The following MUC12 variants were observed in gnomAD, a reference collection of about 807,000 sequenced individuals.
The protein encoded by MUC12 is mucin-12.
In MUC12, 172 loss-of-function variants were observed where a neutral mutation model predicts 230.8. The observed-to-expected ratio is 0.75, with a 90% confidence interval of 0.66 to 0.85. The LOEUF (loss-of-function observed/expected upper bound fraction) is 0.85, where lower values mean the gene tolerates loss of function less well. MUC12 is among the 40% of genes least tolerant of loss of function. The probability of loss-of-function intolerance (pLI) is 0.00; values close to 1 mark genes in which losing one functional copy is unlikely to be tolerated. For synonymous variants in MUC12, 1,259 were observed against 2,401.9 expected (o/e 0.52, Z 13.91); for missense variants, 3,506 against 5,920.6 (o/e 0.59, Z 13.38).
At chr7:101,012,582 G>GT in intron 6 of MUC12, 135 bp downstream of exon 6, 1 of 1,130,400 alleles carries the variant, frequency 8.8e-7, no homozygotes, top group Middle Eastern at 2.1e-4. Flanking sequence ...CAGGCCCAGG[G>GT]TGCCTTCCCC....
intron 10 of MUC12, among the ~76,000 whole-genome samples, chr7:101,016,558 G>T (rs186791584): frequency 1.2e-4 from 19 of 152,230 alleles, no homozygotes; most frequent in African/African-American, 4.1e-4. Flanking sequence ...TAGGTGATCC[G>T]CCCGCCTTGG....
chr7:100,987,270 T>C, intron 1 of MUC12, among the ~76,000 whole-genome samples: 1 of 152,058 alleles, frequency 6.6e-6, no homozygotes, highest in African/African-American at 2.4e-5. Flanking sequence ...TTTCACCATA[T>C]TGGCCAGGCT....
intron 1 of MUC12, among the ~76,000 whole-genome samples, chr7:100,977,077 A>G (rs1793043965): frequency 7.3e-6 from 1 of 137,150 alleles, no homozygotes; most frequent in East Asian, 2.2e-4. Flanking sequence ...AAAAAAAAAA[A>G]AAAAAGAAAT....
rs61742942 is a variant in MUC12, at chr7:100,991,475, T to C, written c.912T>C (p.Thr304=). The C allele has an allele frequency of 2.0e-5, 30 of 1,537,532 alleles. No individual in the cohort carries two copies. In the East Asian group the frequency reaches 2.4e-4, roughly 13 times the overall value. The change falls in exon 2 of 12, where the codon ACT becomes ACC. Residue 304 remains threonine (T), a synonymous_variant. Coordinates refer to ENST00000536621, the MANE Select transcript of MUC12 (RefSeq NM_001164462.2). ...CAGCCTTTGTTAAACTATCTACAAC[T>C]TATCACAGCAGCCCGAGCTCAACTC... ...TTSAFVKLST[T]YHSSPSSTPT... is the part of the protein sequence containing the mutation.
intron 3 of MUC12, 93 bp from the exon 4 acceptor site, chr7:101,008,541 C>T (rs1441064791): frequency 6.9e-7 from 1 of 1,440,126 alleles, no homozygotes; most frequent in Non-Finnish European, 9.1e-7. Flanking sequence ...GTTTCTTTCA[C>T]CTTCAAGACA....
rs1056894241 is a variant in MUC12 at position 101,005,071 on chromosome 7, G to A, written c.14508G>A (p.Val4836=). The part of the protein sequence containing the change: ...HSQPGSALST[V]SPASTTVPGL... ...AACCAGGCTCAGCTCTGTCAACAGT[G>A]TCACCTGCCAGCACCACAGTGCCAG... is the stretch of plus-strand genomic sequence containing the variant. The change falls in exon 2 of 12, where the codon GTG becomes GTA. Residue 4836 remains valine (V), a synonymous_variant. Coordinates refer to ENST00000536621, the MANE Select transcript of MUC12 (RefSeq NM_001164462.2). 37 of 1,537,592 alleles carry A rather than the reference G, an allele frequency of 2.4e-5. No homozygotes were observed. The highest frequency in any genetic ancestry group is 4.1e-5 in the African/African-American group (3 of 72,970).
At position 100,992,402 on chromosome 7, in the gene MUC12, A is replaced by T. The variant is rs1271084129; in HGVS notation, c.1839A>T (p.Arg613Ser). 1 of 1,537,442 alleles carries T rather than the reference A, an allele frequency of 6.5e-7. No homozygotes were observed. The highest frequency in any genetic ancestry group is 8.7e-7 in the Non-Finnish European group (1 of 1,146,686). ...CTATGCCCGTCCACAGCAGCACCAG[A>T]TCGCCACACACAACACTGTCCCCTG... ...EASMPVHSST[R>S]SPHTTLSPAG... is the part of the protein sequence containing the mutation. The change falls in exon 2 of 12, where the codon AGA (arginine) becomes AGT (serine). Residue 613 changes from arginine to serine, a missense_variant. Arg to Ser is a moderately radical substitution (Grantham distance 110). Transcript: ENST00000536621.
Position 101,008,760 on chromosome 7 carries a change from G to A in MUC12, c.15185G>A (p.Arg5062Gln), listed in dbSNP as rs1333605257. ...AACTTCAGTACCCTCTTCAAGAATC[G>A]GGTAAGACCAGGGCACACCCAGACA... ...YQNFSTLFKN[R>Q]MDVVLKGDNL... The change falls in exon 4 of 12, where the codon CGG becomes CAG. Residue 5062 changes from arginine to glutamine, a missense_variant and splice_region_variant. Physicochemically the swap from Arg to Gln is conservative, Grantham distance 43. Transcript: ENST00000536621. 6 of 1,536,842 alleles carry A rather than the reference G, an allele frequency of 3.9e-6. No individual in the cohort carries two copies. Among genetic ancestry groups the A allele is most frequent in the East Asian group, 4.9e-5 (2 of 40,908 alleles).
chr7:100,982,615 G>T (rs1793125989), intron 1 of MUC12, among the ~76,000 whole-genome samples: 1 of 151,880 alleles, frequency 6.6e-6, no homozygotes, highest in African/African-American at 2.4e-5. Context: ...TTTTTGTTGA[G>T]ATGGGGTCTC....
chr7:101,017,732 CGGGA>C lies in MUC12; in HGVS notation c.15966+70_15966+73del, dbSNP rs1562796540. ...CTTCCTCTGGGGTTCCCTCTTCCCC[CGGGA>C]CTCCCTTCTCCCCCTGGGACTCCCT... On this transcript the variant is annotated intron_variant, in intron 11 of 11. Coordinates refer to ENST00000536621, the MANE Select transcript of MUC12 (RefSeq NM_001164462.2). The C allele has an allele frequency of 7.3e-4, 823 of 1,133,636 alleles. 8 individuals are homozygous for C. The South Asian group carries it at 8.5e-3, about 12-fold the overall frequency. 70.2% of individuals were successfully genotyped at this position (1,133,636 alleles called of 1,614,324 possible). A position where few individuals can be genotyped will look rare whatever the true frequency, so the allele number is the denominator to read the frequency against.
chr7:101,007,967 T>C (rs1006169040), intron 3 of MUC12, among the ~76,000 whole-genome samples: 6 of 151,354 alleles, frequency 4.0e-5, no homozygotes, highest in African/African-American at 1.2e-4. Context: ...CTGGCTATTT[T>C]TTTTTTTTTT....
intron 5 of MUC12, among the ~76,000 whole-genome samples, chr7:101,010,572 G>A (rs564473190): frequency 3.3e-5 from 5 of 152,084 alleles, no homozygotes; most frequent in African/African-American, 7.2e-5. Flanking sequence ...CTGGAGTGCC[G>A]TGGTGCAATC....
At chr7:101,009,658 T>A (rs2116353445) in intron 5 of MUC12, among the ~76,000 whole-genome samples, 1 of 151,472 alleles carries the variant, frequency 6.6e-6, no homozygotes, top group East Asian at 1.9e-4. Flanking sequence ...CATAGCGAGA[T>A]CCCATCTCTA....
At chr7:100,986,094 T>C (rs552365841) in intron 1 of MUC12, among the ~76,000 whole-genome samples, 24 of 152,068 alleles carry the variant, frequency 1.6e-4, no homozygotes, top group Non-Finnish European at 2.8e-4. Flanking sequence ...GGTGTGTGCC[T>C]CAAGCCTGTA....
rs182768578 is a variant in MUC12 at position 100,991,316 on chromosome 7, C to T, written c.753C>T (p.Pro251=). The change falls in exon 2 of 12, where the codon CCC becomes CCT. Residue 251 remains proline (P), a synonymous_variant. Transcript: ENST00000536621. ...TTSGLLEAST[P]VHSSTGSPHT... ...CAGGCCTCCTTGAAGCATCTACGCC[C>T]GTCCACAGCAGCACTGGATCGCCAC... 366 of 1,537,700 alleles carry T rather than the reference C, an allele frequency of 2.4e-4. 2 individuals are homozygous for T. The highest frequency in any genetic ancestry group is 9.3e-4 in the East Asian group (38 of 40,904).
intron 1 of MUC12, among the ~76,000 whole-genome samples, chr7:100,979,561 C>T (rs1335397280): frequency 1.3e-5 from 2 of 152,078 alleles, no homozygotes; most frequent in African/African-American, 2.4e-5. Context: ...GCAGGCAGAT[C>T]GCGAGGTCAA....
chr7:101,007,723 T>G (rs1391829638), intron 3 of MUC12, among the ~76,000 whole-genome samples: 1 of 152,224 alleles, frequency 6.6e-6, no homozygotes, highest in Non-Finnish European at 1.5e-5. Flanking sequence ...TGCAGAGATC[T>G]CTTCAATGTA....
intron 1 of MUC12, 92 bp downstream of exon 1, chr7:100,969,781 TC>T: frequency 6.0e-5 from 1 of 16,684 alleles, no homozygotes; most frequent in East Asian, 0.015. Flanking sequence ...GCAGGTGGCC[TC>T]CTCCCCTTTG....
chr7:100,991,004 A>C lies in MUC12; in HGVS notation c.441A>C (p.Pro147=), dbSNP rs1167526457. ...CCTTCTACAGTAGCCCCAGATCACC[A>C]GACAGAACACTCTCACCTGCCCGCA... The part of the protein sequence containing the change: ...STTFYSSPRS[P]DRTLSPARTT... The change falls in exon 2 of 12, where the codon CCA becomes CCC. Residue 147 remains proline, a synonymous_variant. Coordinates refer to ENST00000536621, the MANE Select transcript of MUC12 (RefSeq NM_001164462.2). 4 of 1,537,868 alleles carry C rather than the reference A, an allele frequency of 2.6e-6. No homozygotes were observed. The highest frequency in any genetic ancestry group is 3.5e-6 in the Non-Finnish European group (4 of 1,147,028).
Sources: allele counts gnomAD v4.1 joint callset (sites outside exome capture counted in the v4.1 genomes callset), GRCh38; gene constraint gnomAD v4.1.1; transcripts MANE v1.5; gene names NCBI Gene and HGNC (gene_info 2026-07-23, HGNC 2026-07-21).